MPRIP: variants seen among roughly 807,000 people sequenced by gnomAD.
MPRIP encodes myosin phosphatase Rho-interacting protein.
A neutral mutation model predicts 234.9 loss-of-function variants in MPRIP; 59 were observed. The observed-to-expected ratio is 0.25, with a 90% CI of 0.20 to 0.31. MPRIP has a LOEUF of 0.31. Ranked by LOEUF, MPRIP falls within the 10% of genes least tolerant of loss-of-function variation. MPRIP has a pLI of 1.00. For missense variants in MPRIP, 2,436 were observed against 3,071.0 expected (o/e 0.79, Z 4.89); for synonymous variants, 1,144 against 1,263.9 (o/e 0.91, Z 2.01).
rs1169621438 is a variant in MPRIP at position 17,166,316 on chromosome 17, G to A, written c.4725G>A (p.Leu1575=). 9.2e-6 allele frequency: 12 copies of A among 1,304,372 alleles called. No individual in the cohort carries two copies. In the East Asian group the frequency reaches 1.7e-4, roughly 18 times the overall value. The allele number at this position is 1,304,372 out of a possible 1,614,324, so 80.8% of individuals were successfully genotyped here. The change falls in exon 16 of 24, where the codon CTG becomes CTA. Residue 1575 remains leucine, a synonymous_variant. Coordinates refer to ENST00000651222, the MANE Select transcript of MPRIP (RefSeq NM_001364716.4). The surrounding 1 kb of genome is among the most constrained non-coding windows in gnomAD (Gnocchi z 4.4). Reference sequence around the variant, plus strand: ...ACCAGATTGCTCTGGAGGCCTCGCTGATCAGCCAGATAGCAGATTCCCTGA... The same window carrying A: ...ACCAGATTGCTCTGGAGGCCTCGCTAATCAGCCAGATAGCAGATTCCCTGA... The part of the protein sequence containing the change: ...LSDQIALEAS[L]ISQIADSLKN...
chr17:17,047,373 TATAA>T (rs1245769876), intron 1 of MPRIP, among the ~76,000 whole-genome samples: 1 of 152,202 alleles, frequency 6.6e-6, no homozygotes, highest in Non-Finnish European at 1.5e-5. Flanking sequence ...TTTTTCATAA[TATAA>T]ATGCAGTTGG....
rs574551336 is a variant in MPRIP, at chr17:17,161,490, T to C, written c.2517+134T>C. The C allele has an allele frequency of 1.7e-5, 9 of 527,964 alleles. No homozygotes were observed. In the South Asian group the frequency reaches 3.1e-4, roughly 18 times the overall value. 32.7% of individuals were successfully genotyped at this position (527,964 alleles called of 1,614,324 possible). ...CTCCCAGGAGCTCATGCCCCTGGGC[T>C]TTTCTGCCACAGGACTGGACACTCA... On this transcript the variant is annotated intron_variant, in intron 15 of 23. Coordinates refer to ENST00000651222, the MANE Select transcript of MPRIP (RefSeq NM_001364716.4).
In MPRIP at chr17:17,165,354, C is replaced by T. The variant is rs1355014152; in HGVS notation, c.3763C>T (p.Pro1255Ser). Residue 1255 changes from proline (P) to serine (S), a missense_variant, in exon 16 of 24, where the codon CCT becomes TCT. This residue lies in a region of MPRIP where 1,998 missense variants were observed against 2,520.3 expected (regional missense o/e 0.79). Transcript: ENST00000651222. ...PGQPVQATRA[P>S]LGLPHTRLED... Reference sequence around the variant, plus strand: ...CCAACCAGTCCAAGCCACTAGGGCACCTCTAGGCCTCCCACACACAAGGCT... The same window carrying T: ...CCAACCAGTCCAAGCCACTAGGGCATCTCTAGGCCTCCCACACACAAGGCT... 1 of 1,304,180 alleles carries T rather than the reference C, an allele frequency of 7.7e-7. No individual in the cohort carries two copies. The highest frequency in any genetic ancestry group is 1.2e-5 in the South Asian group (1 of 81,032). The allele number at this position is 1,304,180 out of a possible 1,614,324, so 80.8% of individuals were successfully genotyped here.
rs1488864985 is a variant in MPRIP at position 17,166,385 on chromosome 17, T to C, written c.4794T>C (p.Ser1598=). 6.1e-6 allele frequency: 8 copies of C among 1,304,424 alleles called. No homozygotes were observed. The Admixed American group carries it at 1.4e-4, about 22-fold the overall frequency. The allele number at this position is 1,304,424 out of a possible 1,614,324, so 80.8% of individuals were successfully genotyped here. The change falls in exon 16 of 24, where the codon TCT becomes TCC. Residue 1598 remains serine, a synonymous_variant. Coordinates refer to ENST00000651222, the MANE Select transcript of MPRIP (RefSeq NM_001364716.4). The surrounding 1 kb of genome is among the most constrained non-coding windows in gnomAD (Gnocchi z 4.4). ...TCTCCCGAATGCTCCATGAGATTTCTTGGTCAGGACAGCCACCGATGGAAT... is the reference window on the plus strand; with the variant it reads ...TCTCCCGAATGCTCCATGAGATTTCCTGGTCAGGACAGCCACCGATGGAAT... ...SDVSRMLHEI[S]WSGQPPMESA...
At chr17:17,139,525 T>C (rs542597420) in intron 7 of MPRIP, among the ~76,000 whole-genome samples, 2 of 152,266 alleles carry the variant, frequency 1.3e-5, no homozygotes, top group African/African-American at 2.4e-5. Flanking sequence ...TCTCAGAGTG[T>C]CCTCCCTTCC....
At chr17:17,056,530 GT>G (rs2088702814) in intron 1 of MPRIP, among the ~76,000 whole-genome samples, 1 of 152,164 alleles carries the variant, frequency 6.6e-6, no homozygotes, top group African/African-American at 2.4e-5. Flanking sequence ...GTTGGGGGTA[GT>G]TTACAGCCAG....
chr17:17,135,263 G>C (rs942715046), intron 5 of MPRIP, among the ~76,000 whole-genome samples: 1 of 118,440 alleles, frequency 8.4e-6, no homozygotes, highest in Non-Finnish European at 1.7e-5. Flanking sequence ...CTAAATGCCT[G>C]CCCCACAAAC....
At chr17:17,154,561 T>G (rs1057357721) in intron 13 of MPRIP, 146 bp downstream of exon 13, 10 of 661,692 alleles carry the variant, frequency 1.5e-5, no homozygotes, top group Non-Finnish European at 2.7e-5. Context: ...GTCCTTCTGT[T>G]GCTCAGGTTC....
At chr17:17,107,357 CT>C (rs907026922) in intron 3 of MPRIP, among the ~76,000 whole-genome samples, 2 of 152,244 alleles carry the variant, frequency 1.3e-5, no homozygotes, top group Non-Finnish European at 2.9e-5. Flanking sequence ...AGGGCGGGGA[CT>C]TCAAGGCTGC....
At chr17:17,142,905 A>T in intron 8 of MPRIP, 140 bp downstream of exon 8, 2 of 912,236 alleles carry the variant, frequency 2.2e-6, no homozygotes, top group Non-Finnish European at 1.6e-6. Context: ...CTGCATAGTG[A>T]CTTCTTGAGA....
At position 17,167,506 on chromosome 17, in the gene MPRIP, G is replaced by A. The variant is rs1225296207; in HGVS notation, c.5915G>A (p.Arg1972Gln). The A allele has an allele frequency of 1.6e-5, 21 of 1,304,094 alleles. No individual in the cohort carries two copies. Among genetic ancestry groups the A allele is most frequent in the Middle Eastern group, 2.1e-4 (1 of 4,720 alleles). The allele number at this position is 1,304,094 out of a possible 1,614,324, so 80.8% of individuals were successfully genotyped here. Residue 1972 changes from arginine (R) to glutamine (Q), a missense_variant, in exon 16 of 24, where the codon CGG becomes CAG. By Grantham distance (43) the Arg-to-Gln change is conservative (BLOSUM62 1). Around this residue, in one of 4 missense-constraint regions of MPRIP, gnomAD observed 1,998 missense variants for 2,520.3 expected, o/e 0.79. Coordinates refer to ENST00000651222, the MANE Select transcript of MPRIP (RefSeq NM_001364716.4). The surrounding 1 kb of genome is among the most constrained non-coding windows in gnomAD (Gnocchi z 5.9). ...TESTLQAERS[R>Q]VLSQLDASVR... ...AGCACACTGCAGGCTGAGCGCAGCC[G>A]GGTCCTGAGCCAGCTGGATGCCTCG...
At chr17:17,148,836 A>G (rs2045534345) in intron 11 of MPRIP, among the ~76,000 whole-genome samples, 1 of 152,248 alleles carries the variant, frequency 6.6e-6, no homozygotes, top group Admixed American at 6.5e-5. Context: ...AAGGAAAACA[A>G]CTGACAGAAT....
At position 17,191,792 on chromosome 17, in the gene MPRIP, C is replaced by T. The variant is rs1377435364; in HGVS notation, c.*6898C>T. On this transcript the variant is annotated 3_prime_UTR_variant, in exon 24 of 24. Transcript: ENST00000651222. ...ACAGCTAGGAATAGATTGTGAAGAA[C>T]ACTCAGTTCACTACTGTGTTACATT... is the stretch of plus-strand genomic sequence containing the variant. 1 of 152,236 alleles carries T rather than the reference C, an allele frequency of 6.6e-6. No individual in the cohort carries two copies. Among genetic ancestry groups the T allele is most frequent in the Non-Finnish European group, 1.5e-5 (1 of 68,030 alleles). 9.4% of individuals were successfully genotyped at this position (152,236 alleles called of 1,614,324 possible). A position where few individuals can be genotyped will look rare whatever the true frequency, so the allele number is the denominator to read the frequency against.
intron 3 of MPRIP, among the ~76,000 whole-genome samples, chr17:17,089,617 C>T (rs548407333): frequency 1.5e-4 from 23 of 152,114 alleles, no homozygotes; most frequent in African/African-American, 3.9e-4. Flanking sequence ...ACAGATGCTC[C>T]GGTGTTGAGC....
At chr17:17,120,986 G>T (rs2090378024) in intron 3 of MPRIP, among the ~76,000 whole-genome samples, 1 of 152,204 alleles carries the variant, frequency 6.6e-6, no homozygotes, top group Non-Finnish European at 1.5e-5. Flanking sequence ...GGAGCCATTG[G>T]TTGAGTCTGT....
chr17:17,141,550 T>TC (rs2090817862), intron 7 of MPRIP: 1 of 152,422 alleles, frequency 6.6e-6, no homozygotes, highest in Non-Finnish European at 1.5e-5. Flanking sequence ...CCCTCCTCTC[T>TC]CCGGGGGTGA....
intron 15 of MPRIP, among the ~76,000 whole-genome samples, chr17:17,162,277 C>A (rs1266142067): frequency 6.6e-6 from 1 of 152,296 alleles, no homozygotes; most frequent in African/African-American, 2.4e-5. Flanking sequence ...AGACTTAGAC[C>A]CAGTGATCCC....
At chr17:17,184,201 C>T (rs1051793230) in intron 23 of MPRIP, among the ~76,000 whole-genome samples, 8 of 152,250 alleles carry the variant, frequency 5.3e-5, no homozygotes, top group Admixed American at 3.3e-4. Flanking sequence ...CAAGATTCCA[C>T]GTGAACAGAG....
chr17:17,156,714 A>ATGCCC (rs1220334552), intron 13 of MPRIP, among the ~76,000 whole-genome samples: 1 of 152,206 alleles, frequency 6.6e-6, no homozygotes, highest in Non-Finnish European at 1.5e-5. Flanking sequence ...GCCTCCATGC[A>ATGCCC]TGCCCTGCCC....
Sources: gnomAD v4.1 joint callset for allele counts (sites outside exome capture counted in the v4.1 genomes callset) on GRCh38, gnomAD v4.1.1 for gene constraint, gnomAD v4.1.1 regional missense constraint, Gnocchi (gnomAD v3.1) non-coding constraint, MANE v1.5 for transcripts, NCBI Gene and HGNC (gene_info 2026-07-23, HGNC 2026-07-21) for gene names.